Variants in SASH1 observed in about 807,000 individuals in gnomAD.
The protein encoded by SASH1 is SAM and SH3 domain containing 1.
Under a neutral mutation model 125.2 loss-of-function variants are expected in SASH1, and 44 were observed. The observed-to-expected ratio is 0.35, with a 90% CI of 0.28 to 0.45. The LOEUF is 0.45. SASH1 is among the 20% of genes least tolerant of loss of function. The probability of loss-of-function intolerance (pLI) is 1.00; values close to 1 mark genes in which losing one functional copy is unlikely to be tolerated. For synonymous variants in SASH1, 639 were observed against 649.1 expected, an observed-to-expected ratio of 0.98 and a Z score of 0.24; for missense variants, 1,426 against 1,614.5, an observed-to-expected ratio of 0.88 and a Z score of 2.00.
rs936997852 is a variant in SASH1, at chr6:148,529,784, G to C, written c.1429-1742G>C. ...TTCTGTAAAGCAAAAATAATGGAAGGTTTTATGTGGTTGTTTTTTTTTTGT... is the reference window on the plus strand; with the variant it reads ...TTCTGTAAAGCAAAAATAATGGAAGCTTTTATGTGGTTGTTTTTTTTTTGT... On this transcript the variant is annotated intron_variant, in intron 12 of 19. Transcript: ENST00000367467. This position sits in a 1 kb window ranked among gnomAD's most constrained non-coding sequence, Gnocchi z 4.2. Among the ~76,000 whole-genome samples, 3 of 151,178 alleles carry C rather than the reference G, an allele frequency of 2.0e-5. No individual in the cohort carries two copies. The highest frequency in any genetic ancestry group is 7.3e-5 in the African/African-American group (3 of 40,832).
At chr6:148,427,592 C>A (rs1183228202) in intron 2 of SASH1, among the ~76,000 whole-genome samples, 1 of 152,156 alleles carries the variant, frequency 6.6e-6, no homozygotes, top group Non-Finnish European at 1.5e-5. Flanking sequence ...CTTAAACGAT[C>A]TAGTACATAG....
At chr6:148,484,148 G>A (rs994603956) in intron 7 of SASH1, among the ~76,000 whole-genome samples, 6 of 152,120 alleles carry the variant, frequency 3.9e-5, no homozygotes, top group African/African-American at 1.4e-4. Context: ...TAATGTAAAT[G>A]CTCTTTATAG....
Position 148,548,595 on chromosome 6 carries a change from C to T in SASH1, c.*37C>T. 1.3e-6 allele frequency: 2 copies of T among 1,547,600 alleles called. No homozygotes were observed. The highest frequency in any genetic ancestry group is 2.8e-5 in the African/African-American group (2 of 72,724). ...ATGGGCCTCTCTGGACAAGAGCCACCCTTTCACTGTGCATATGATGCTGAT... is the reference window on the plus strand; with the variant it reads ...ATGGGCCTCTCTGGACAAGAGCCACTCTTTCACTGTGCATATGATGCTGAT... On this transcript the variant is annotated 3_prime_UTR_variant, in exon 20 of 20. Coordinates refer to ENST00000367467, the MANE Select transcript of SASH1 (RefSeq NM_015278.5).
At chr6:148,410,493 T>C (rs1784579491) in intron 2 of SASH1, among the ~76,000 whole-genome samples, 1 of 152,176 alleles carries the variant, frequency 6.6e-6, no homozygotes, top group Non-Finnish European at 1.5e-5. Flanking sequence ...ATACATTTAA[T>C]GGTTGCATAT....
intron 10 of SASH1, among the ~76,000 whole-genome samples, chr6:148,521,472 C>G (rs1196825209): frequency 6.6e-6 from 1 of 152,258 alleles, no homozygotes; most frequent in African/African-American, 2.4e-5. Context: ...ACGACCTTCT[C>G]TGTTGTAAAA....
intron 4 of SASH1, among the ~76,000 whole-genome samples, chr6:148,458,299 A>G (rs1186171946): frequency 1.3e-5 from 2 of 152,230 alleles, no homozygotes; most frequent in Non-Finnish European, 2.9e-5. Flanking sequence ...TCTTAGAAAC[A>G]TCTCACGATA....
rs1883625 is a variant in SASH1, at chr6:148,471,481, A to G, written c.492A>G (p.Gly164=). The change falls in exon 6 of 20, where the codon GGA becomes GGG. Residue 164 remains glycine (G), a synonymous_variant. Coordinates refer to ENST00000367467, the MANE Select transcript of SASH1 (RefSeq NM_015278.5). ...AGAACTTCCGAAAGAACCAGAAAGG[A>G]ATAATGAGACAGACTTCAAAAGGTA... ...FWQNFRKNQK[G]IMRQTSKGED... 0.13 allele frequency: 214,244 copies of G among 1,596,636 alleles called. 17,034 individuals carry two copies. Among genetic ancestry groups the G allele is most frequent in the African/African-American group, 0.35 (25,597 of 73,666 alleles).
intron 4 of SASH1, among the ~76,000 whole-genome samples, chr6:148,441,239 A>C (rs997238749): frequency 3.9e-5 from 6 of 152,372 alleles, no homozygotes; most frequent in East Asian, 1.9e-4. Flanking sequence ...TGGAATGCAA[A>C]GCACACGTTG....
intron 1 of SASH1, among the ~76,000 whole-genome samples, chr6:148,325,147 A>C (rs1410733173): frequency 6.6e-6 from 1 of 152,222 alleles, no homozygotes; most frequent in East Asian, 1.9e-4. Context: ...ACAGTTCTGC[A>C]TGGCTGGGGA....
At chr6:148,330,701 T>C (rs1329526862) in intron 1 of SASH1, among the ~76,000 whole-genome samples, 1 of 152,166 alleles carries the variant, frequency 6.6e-6, no homozygotes, top group Non-Finnish European at 1.5e-5. Context: ...TTCTCCTGCC[T>C]CACCCTCCCA....
the SASH1 span, among the ~76,000 whole-genome samples, chr6:148,211,066 T>A: frequency 6.6e-6 from 1 of 152,214 alleles, no homozygotes; most frequent in East Asian, 1.9e-4. Context: ...CTCAACCTTG[T>A]GGCCTCTTAT....
At chr6:148,206,744 C>T in the SASH1 span, among the ~76,000 whole-genome samples, 18 of 149,236 alleles carry the variant, frequency 1.2e-4, no homozygotes, top group Non-Finnish European at 2.1e-4. Flanking sequence ...GAGCCAAGAC[C>T]GTGCCACTCC....
intron 1 of SASH1, among the ~76,000 whole-genome samples, chr6:148,295,774 C>G (rs1391841512): frequency 6.6e-6 from 1 of 152,234 alleles, no homozygotes; most frequent in African/African-American, 2.4e-5. Context: ...ATGCCTCTCT[C>G]CTTCACACCC....
chr6:148,331,873 G>A (rs1490704804), intron 1 of SASH1, among the ~76,000 whole-genome samples: 2 of 150,602 alleles, frequency 1.3e-5, no homozygotes, highest in Admixed American at 6.6e-5. Context: ...TTGTAGAGAC[G>A]GGACCTCACT....
chr6:148,326,403 TC>T (rs1780829211), intron 1 of SASH1, among the ~76,000 whole-genome samples: 3 of 121,270 alleles, frequency 2.5e-5, no homozygotes, highest in African/African-American at 3.1e-5. Context: ...TCTTTTCTTT[TC>T]TTTTCTTTTC....
chr6:148,357,117 T>C (rs1781975933), intron 1 of SASH1, among the ~76,000 whole-genome samples: 1 of 152,242 alleles, frequency 6.6e-6, no homozygotes, highest in African/African-American at 2.4e-5. Flanking sequence ...GCGAAAATTT[T>C]CTCCCACTCT....
intron 10 of SASH1, among the ~76,000 whole-genome samples, chr6:148,520,574 T>A (rs543496459): frequency 6.6e-6 from 1 of 152,240 alleles, no homozygotes; most frequent in Admixed American, 6.5e-5. Flanking sequence ...TCTCTTCCAT[T>A]TCTCCTCTTG....
At chr6:148,346,207 G>A (rs1048665633) in intron 1 of SASH1, among the ~76,000 whole-genome samples, 1 of 152,118 alleles carries the variant, frequency 6.6e-6, no homozygotes, top group African/African-American at 2.4e-5. Context: ...GGATTTTGTT[G>A]GTTATAACCC....
At chr6:148,218,564 A>C in the SASH1 span, among the ~76,000 whole-genome samples, 19 of 152,282 alleles carry the variant, frequency 1.2e-4, no homozygotes, top group African/African-American at 4.6e-4. Flanking sequence ...CTTTTGCAGG[A>C]AAAAGGGTCC....
Sources: allele counts gnomAD v4.1 joint callset (sites outside exome capture counted in the v4.1 genomes callset), GRCh38; gene constraint gnomAD v4.1.1; non-coding constraint Gnocchi (gnomAD v3.1); transcripts MANE v1.5; gene names NCBI Gene and HGNC (gene_info 2026-07-23, HGNC 2026-07-21).